NUP210L: variants seen among roughly 807,000 people sequenced by gnomAD.
The protein encoded by NUP210L is nucleoporin 210 like, also known as nuclear pore membrane glycoprotein 210-like.
NUP210L carries 74 observed loss-of-function variants against 208.5 expected under a neutral mutation model. The observed-to-expected ratio is 0.35, with a 90% confidence interval of 0.29 to 0.43. The LOEUF is 0.43. Among genes scored for constraint, NUP210L ranks in the 20% least tolerant of loss-of-function variants. The pLI, the probability that NUP210L is intolerant of heterozygous loss-of-function variation, is 1.00. For synonymous variants in NUP210L, 780 were observed against 816.9 expected (o/e 0.95, Z 0.77); for missense variants, 1,843 against 2,289.4 (o/e 0.81, Z 3.98).
At chr1:154,082,466 T>C (rs979863581) in intron 16 of NUP210L, among the ~76,000 whole-genome samples, 6 of 152,134 alleles carry the variant, frequency 3.9e-5, no homozygotes, top group African/African-American at 7.2e-5. Flanking sequence ...AATTCAATAA[T>C]AGTTAGAGCT....
intron 35 of NUP210L, among the ~76,000 whole-genome samples, chr1:154,006,013 C>T (rs367848099): frequency 1.3e-5 from 2 of 151,992 alleles, no homozygotes; most frequent in African/African-American, 2.4e-5. Flanking sequence ...TGAGCCACCG[C>T]GCCCCGCCCT....
chr1:154,045,478 A>G (rs1346021228), intron 27 of NUP210L, among the ~76,000 whole-genome samples: 2 of 152,164 alleles, frequency 1.3e-5, no homozygotes, highest in Non-Finnish European at 2.9e-5. Flanking sequence ...CATTACAACA[A>G]CATTAATAAA....
intron 17 of NUP210L, among the ~76,000 whole-genome samples, chr1:154,066,095 A>G (rs1654401490): frequency 6.6e-6 from 1 of 152,114 alleles, no homozygotes; most frequent in African/African-American, 2.4e-5. Flanking sequence ...AAGACACAAC[A>G]TACCAGAATC....
chr1:154,123,547 G>A (rs774770672), intron 10 of NUP210L, among the ~76,000 whole-genome samples: 3 of 151,982 alleles, frequency 2.0e-5, no homozygotes, highest in Non-Finnish European at 4.4e-5. Context: ...TGCAACTTCT[G>A]GTAAATCTAT....
intron 33 of NUP210L, among the ~76,000 whole-genome samples, chr1:154,013,445 G>A (rs540032304): frequency 1.3e-4 from 19 of 151,818 alleles, no homozygotes; most frequent in African/African-American, 4.6e-4. Context: ...ATGTTGGAGC[G>A]TGCCTGTAAT....
chr1:154,116,593 G>A (rs1657348177), intron 12 of NUP210L, among the ~76,000 whole-genome samples: 1 of 151,976 alleles, frequency 6.6e-6, no homozygotes, highest in African/African-American at 2.4e-5. Context: ...TGTGTGGGGT[G>A]GTGCATATCT....
chr1:154,135,546 C>T (rs534038828), intron 7 of NUP210L, among the ~76,000 whole-genome samples: 33 of 152,052 alleles, frequency 2.2e-4, no homozygotes, highest in African/African-American at 7.7e-4. Flanking sequence ...CTCAGCCTCC[C>T]GAGTAGCTGG....
intron 16 of NUP210L, among the ~76,000 whole-genome samples, chr1:154,083,565 G>T (rs930590418): frequency 2.6e-5 from 4 of 152,230 alleles, no homozygotes; most frequent in Admixed American, 2.6e-4. Flanking sequence ...AGATCTGACA[G>T]TAACTCCAGG....
At chr1:154,113,360 A>T (rs1380597246) in intron 12 of NUP210L, among the ~76,000 whole-genome samples, 3 of 151,668 alleles carry the variant, frequency 2.0e-5, no homozygotes, top group African/African-American at 7.3e-5. Context: ...AAGGTGCTAA[A>T]CATATCACTC....
exon 28 of NUP210L, chr1:154,029,925 A>G (rs1320194552): frequency 6.2e-7 from 1 of 1,610,230 alleles, no homozygotes. Flanking sequence ...GAGAGTTCCA[A>G]CAAATTCCCC....
At chr1:154,152,857 A>G (rs1045760539) in exon 2 of NUP210L, 2 of 1,614,140 alleles carry the variant, frequency 1.2e-6, no homozygotes, top group Non-Finnish European at 8.5e-7. Context: ...TAACTGCATC[A>G]TGATGGGTGG....
At chr1:154,062,910 A>G (rs982619861) in intron 17 of NUP210L, among the ~76,000 whole-genome samples, 7 of 152,016 alleles carry the variant, frequency 4.6e-5, no homozygotes, top group Non-Finnish European at 8.8e-5. Flanking sequence ...AACAAACATG[A>G]ATCTGCCACT....
At chr1:154,016,624 C>T (rs1296737891) in intron 33 of NUP210L, among the ~76,000 whole-genome samples, 1 of 152,040 alleles carries the variant, frequency 6.6e-6, no homozygotes, top group African/African-American at 2.4e-5. Context: ...AAGTCCTTTT[C>T]TCCAATTCTC....
intron 7 of NUP210L, among the ~76,000 whole-genome samples, chr1:154,132,985 C>T (rs747760656): frequency 3.3e-5 from 5 of 152,152 alleles, no homozygotes; most frequent in African/African-American, 1.2e-4. Flanking sequence ...AGCAGGGCTA[C>T]GCTATAGACA....
At chr1:154,010,257 C>T (rs1650831241) in intron 34 of NUP210L, 136 bp from the exon 35 acceptor site, 1 of 697,686 alleles carries the variant, frequency 1.4e-6, no homozygotes, top group Non-Finnish European at 2.3e-6. Context: ...GTTTGCCCAC[C>T]TCTGCTTCAA....
intron 18 of NUP210L, among the ~76,000 whole-genome samples, chr1:154,061,309 C>T (rs1295990259): frequency 6.6e-6 from 1 of 151,804 alleles, no homozygotes; most frequent in Non-Finnish European, 1.5e-5. Context: ...ACCCGGGAGG[C>T]AGAGGTTGCA....
intron 20 of NUP210L, 110 bp from the exon 21 acceptor site, chr1:154,058,803 C>T (rs892942073): frequency 1.3e-5 from 14 of 1,052,670 alleles, no homozygotes; most frequent in Non-Finnish European, 1.4e-6. Context: ...TTTCTTTGAA[C>T]TGGGGACTCT....
At chr1:154,154,214 G>C (rs1173282477) in intron 1 of NUP210L, among the ~76,000 whole-genome samples, 1 of 152,156 alleles carries the variant, frequency 6.6e-6, no homozygotes, top group African/African-American at 2.4e-5. Context: ...CATATTCCCA[G>C]AAGTTTACAC....
At chr1:154,055,342 C>T (rs1653807523) in intron 23 of NUP210L, among the ~76,000 whole-genome samples, 1 of 151,932 alleles carries the variant, frequency 6.6e-6, no homozygotes, top group African/African-American at 2.4e-5. Context: ...CCTCCGCCTC[C>T]CAGGTTCAAG....
Sources: allele counts gnomAD v4.1 joint callset (sites outside exome capture counted in the v4.1 genomes callset), GRCh38; gene constraint gnomAD v4.1.1; transcripts MANE v1.5; gene names NCBI Gene and HGNC (gene_info 2026-07-23, HGNC 2026-07-21).